NFYC: variants seen among roughly 807,000 people sequenced by gnomAD.
NFYC encodes the protein CAAT box DNA-binding protein subunit C.
Under a neutral mutation model 53.1 loss-of-function variants are expected in NFYC, and 25 were observed. The observed-to-expected ratio is 0.47, with a 90% CI of 0.34 to 0.66. The LOEUF (loss-of-function observed/expected upper bound fraction) is 0.66. Ranked by LOEUF, NFYC falls within the 30% of genes least tolerant of loss-of-function variation. The pLI is 0.01. For synonymous variants in NFYC, 145 were observed against 152.6 expected (o/e 0.95, Z 0.37); for missense variants, 260 against 422.7 (o/e 0.62, Z 3.38).
At chr1:40,741,510 C>T (rs1645339441) in intron 2 of NFYC, among the ~76,000 whole-genome samples, 2 of 152,084 alleles carry the variant, frequency 1.3e-5, no homozygotes, top group Non-Finnish European at 2.9e-5. Context: ...AGTAGAACAA[C>T]ATCTGTATTT....
chr1:40,735,741 G>T, intron 1 of NFYC: 8 of 985,314 alleles, frequency 8.1e-6, no homozygotes, highest in Non-Finnish European at 9.6e-6. Context: ...AGGGACCCAT[G>T]CAATAAAAGG....
intron 2 of NFYC, among the ~76,000 whole-genome samples, chr1:40,739,599 A>T (rs1358507006): frequency 6.6e-6 from 1 of 152,178 alleles, no homozygotes; most frequent in African/African-American, 2.4e-5. Context: ...GGCAAAAATC[A>T]TCCCTTGTTG....
chr1:40,763,721 C>T (rs760436823), intron 7 of NFYC, among the ~76,000 whole-genome samples: 2 of 152,198 alleles, frequency 1.3e-5, no homozygotes, highest in Non-Finnish European at 2.9e-5. Flanking sequence ...TTCCTGACCA[C>T]AACTTGCTTC....
intron 4 of NFYC, among the ~76,000 whole-genome samples, chr1:40,752,593 T>C (rs951267562): frequency 6.6e-6 from 1 of 152,078 alleles, no homozygotes; most frequent in African/African-American, 2.4e-5. Flanking sequence ...TGTTTTTTAT[T>C]TGGGAATTCA....
chr1:40,757,416 A>T (rs368672628), intron 5 of NFYC: 147 of 519,092 alleles, frequency 2.8e-4, no homozygotes, highest in African/African-American at 2.4e-3. Context: ...CGCAGATCGG[A>T]CAGAATGCGA....
intron 2 of NFYC, among the ~76,000 whole-genome samples, chr1:40,746,263 T>G (rs753955266): frequency 6.6e-6 from 1 of 152,210 alleles, no homozygotes; most frequent in Non-Finnish European, 1.5e-5. Flanking sequence ...GTTTGAAGTT[T>G]GTAGAGCAGA....
At chr1:40,744,909 G>T (rs964201915) in intron 2 of NFYC, among the ~76,000 whole-genome samples, 3 of 152,108 alleles carry the variant, frequency 2.0e-5, no homozygotes, top group African/African-American at 7.2e-5. Context: ...TAACTAGAAG[G>T]CTAGGATAGG....
chr1:40,715,086 C>CAATAAATAAATAAATAAATAAATA (rs59310200), intron 1 of NFYC, among the ~76,000 whole-genome samples: 20 of 142,528 alleles, frequency 1.4e-4, no homozygotes, highest in African/African-American at 4.0e-4. Context: ...TGTCTCAAAA[C>CAATAAATAAATAAATAAATAAATA]AATAAATAAA....
rs112301223 is a variant in NFYC, at chr1:40,763,797, C to T, written c.720+751C>T. Reference sequence around the variant, plus strand: ...TTCACCACGATTGGGCGGCTTCTCTCGATTTCCCCTCATTCTACCTATGCA... The same window carrying T: ...TTCACCACGATTGGGCGGCTTCTCTTGATTTCCCCTCATTCTACCTATGCA... On this transcript the variant is annotated intron_variant, in intron 7 of 9. Transcript: ENST00000447388. Among the ~76,000 whole-genome samples, 499 of 152,310 alleles carry T rather than the reference C, an allele frequency of 3.3e-3. 6 individuals carry two copies. The highest frequency in any genetic ancestry group is 0.011 in the African/African-American group (468 of 41,566).
At chr1:40,705,748 T>G (rs1272404699) in intron 1 of NFYC, among the ~76,000 whole-genome samples, 1 of 152,298 alleles carries the variant, frequency 6.6e-6, no homozygotes, top group East Asian at 1.9e-4. Context: ...TTTTAATATT[T>G]ATTTATTTAT....
chr1:40,718,856 G>GT (rs1208754928), intron 1 of NFYC, among the ~76,000 whole-genome samples: 8 of 151,710 alleles, frequency 5.3e-5, no homozygotes, highest in Non-Finnish European at 7.4e-5. Flanking sequence ...AATCATGGTG[G>GT]TTTTTTTTGT....
intron 1 of NFYC, among the ~76,000 whole-genome samples, chr1:40,715,136 G>A (rs1353699320): frequency 7.0e-6 from 1 of 142,142 alleles, no homozygotes; most frequent in Non-Finnish European, 1.5e-5. Flanking sequence ...GGGTGTGGTG[G>A]ATCATGCCTG....
intron 1 of NFYC, among the ~76,000 whole-genome samples, chr1:40,702,436 A>G (rs775549620): frequency 9.4e-5 from 14 of 148,566 alleles, no homozygotes; most frequent in Non-Finnish European, 1.9e-4. Flanking sequence ...TCCGCCTACC[A>G]GGTTTAAGCG....
intron 1 of NFYC, among the ~76,000 whole-genome samples, chr1:40,692,984 A>G (rs770109870): frequency 6.6e-6 from 1 of 152,216 alleles, no homozygotes; most frequent in African/African-American, 2.4e-5. Context: ...CCAAAGCCAC[A>G]TTAGCAAATA....
intron 1 of NFYC, among the ~76,000 whole-genome samples, chr1:40,696,214 G>A (rs1437854458): frequency 1.3e-5 from 2 of 151,944 alleles, no homozygotes; most frequent in African/African-American, 2.4e-5. Context: ...TAGTAGAGAC[G>A]GGGTTTCACT....
rs149599699 is a variant in NFYC at position 40,760,496 on chromosome 1, G to A, written c.561+2202G>A. ...AGTACTTTGGGAGGCCGAGGTGGGC[G>A]GATCACAAAGCCAGGAGTTCAAGAC... On this transcript the variant is annotated intron_variant, in intron 6 of 9. Coordinates refer to ENST00000447388, the MANE Select transcript of NFYC (RefSeq NM_014223.5). 9.0e-3 allele frequency among the ~76,000 whole-genome samples: 1,375 copies of A among 152,166 alleles called. 19 individuals are homozygous for A. Among genetic ancestry groups the A allele is most frequent in the African/African-American group, 0.032 (1,314 of 41,514 alleles).
intron 1 of NFYC, among the ~76,000 whole-genome samples, chr1:40,727,078 A>G (rs1366482142): frequency 1.3e-5 from 2 of 152,170 alleles, no homozygotes; most frequent in African/African-American, 4.8e-5. Flanking sequence ...TACCACATCT[A>G]CAGTTACTTC....
At chr1:40,705,172 A>T (rs1308943500) in intron 1 of NFYC, among the ~76,000 whole-genome samples, 1 of 152,256 alleles carries the variant, frequency 6.6e-6, no homozygotes, top group Non-Finnish European at 1.5e-5. Flanking sequence ...TCATATAATT[A>T]ATAAGTAGAG....
rs780492778 is a variant in NFYC, at chr1:40,770,863, C to T, written c.*35C>T. ...CTGGCAAGGCCAAGGACACCCAACACAATTTTTGCCATACAGCCCCAGGCA... is the reference window on the plus strand; with the variant it reads ...CTGGCAAGGCCAAGGACACCCAACATAATTTTTGCCATACAGCCCCAGGCA... On this transcript the variant is annotated 3_prime_UTR_variant, in exon 10 of 10. Transcript: ENST00000447388. The surrounding 1 kb of genome is among the most constrained non-coding windows in gnomAD (Gnocchi z 5.3). The T allele has an allele frequency of 4.4e-6, 7 of 1,599,332 alleles. No individual in the cohort carries two copies. In the South Asian group the frequency reaches 7.7e-5, roughly 18 times the overall value.
Sources: gnomAD v4.1 joint callset for allele counts (sites outside exome capture counted in the v4.1 genomes callset) on GRCh38, gnomAD v4.1.1 for gene constraint, Gnocchi (gnomAD v3.1) non-coding constraint, MANE v1.5 for transcripts, NCBI Gene and HGNC (gene_info 2026-07-23, HGNC 2026-07-21) for gene names.